SPAG16: variants seen among roughly 807,000 people sequenced by gnomAD.
The protein encoded by SPAG16 is sperm associated antigen 16.
Under a neutral mutation model 80.4 loss-of-function variants are expected in SPAG16, and 86 were observed. The ratio of observed to expected loss-of-function variants is 1.07; its 90% CI spans 0.90 to 1.28. The LOEUF (loss-of-function observed/expected upper bound fraction) is 1.28. SPAG16 is among the 50% of genes most tolerant of loss of function. The pLI is 0.00. For missense variants in SPAG16, 870 were observed against 765.3 expected (o/e 1.14, Z -1.61); for synonymous variants, 294 against 265.9 (o/e 1.11, Z -1.03).
chr2:213,470,823 A>G (rs1242821085), intron 9 of SPAG16, among the ~76,000 whole-genome samples: 1 of 152,202 alleles, frequency 6.6e-6, no homozygotes, highest in Non-Finnish European at 1.5e-5. Context: ...ATAGGTGAGC[A>G]CTCACATGGG....
At chr2:213,599,298 C>A (rs202114829) in intron 10 of SPAG16, among the ~76,000 whole-genome samples, 2 of 152,180 alleles carry the variant, frequency 1.3e-5, no homozygotes, top group African/African-American at 4.8e-5. Context: ...AAATTACTTA[C>A]AATTCCAAAC....
At chr2:213,721,560 T>C (rs2066536713) in intron 10 of SPAG16, among the ~76,000 whole-genome samples, 1 of 152,238 alleles carries the variant, frequency 6.6e-6, no homozygotes, top group Admixed American at 6.5e-5. Flanking sequence ...TTAAGATACT[T>C]AATCATATGA....
chr2:213,748,287 C>T (rs1008047425), intron 10 of SPAG16, among the ~76,000 whole-genome samples: 3 of 151,932 alleles, frequency 2.0e-5, no homozygotes, highest in Non-Finnish European at 4.4e-5. Flanking sequence ...GTGCATGTTT[C>T]AGAAGCACTT....
chr2:213,763,689 A>G (rs1044611476), intron 10 of SPAG16, among the ~76,000 whole-genome samples: 2 of 152,224 alleles, frequency 1.3e-5, no homozygotes, highest in African/African-American at 2.4e-5. Flanking sequence ...AAAGGAAAAG[A>G]AAAATGAACT....
intron 15 of SPAG16, among the ~76,000 whole-genome samples, chr2:214,314,238 TTAACA>T (rs1202292680): frequency 6.6e-6 from 1 of 152,196 alleles, no homozygotes; most frequent in African/African-American, 2.4e-5. Flanking sequence ...TTTCACATAC[TTAACA>T]TATTTTTTCA....
chr2:213,511,716 A>G (rs1236345050), intron 10 of SPAG16, among the ~76,000 whole-genome samples: 1 of 152,024 alleles, frequency 6.6e-6, no homozygotes, highest in African/African-American at 2.4e-5. Flanking sequence ...TATCAAACTT[A>G]TTCTAGTGAG....
intron 13 of SPAG16, among the ~76,000 whole-genome samples, chr2:214,098,310 G>A (rs1025619498): frequency 3.9e-5 from 6 of 152,022 alleles, no homozygotes; most frequent in Admixed American, 1.3e-4. Flanking sequence ...GGGTTGAATT[G>A]TGTCCCCTTA....
At chr2:214,227,208 T>C (rs1326607280) in intron 15 of SPAG16, among the ~76,000 whole-genome samples, 1 of 152,078 alleles carries the variant, frequency 6.6e-6, no homozygotes, top group Non-Finnish European at 1.5e-5. Context: ...ATAATAGTGA[T>C]TATGGAAATT....
chr2:213,534,392 A>G (rs1273624911), intron 10 of SPAG16, among the ~76,000 whole-genome samples: 1 of 152,106 alleles, frequency 6.6e-6, no homozygotes, highest in East Asian at 1.9e-4. Context: ...ATAAGTATAT[A>G]CCCCAATAAT....
chr2:213,501,966 T>C (rs540571955), intron 10 of SPAG16, among the ~76,000 whole-genome samples: 2 of 152,376 alleles, frequency 1.3e-5, no homozygotes, highest in African/African-American at 4.8e-5. Flanking sequence ...AATCAAATGA[T>C]GTCTTAGGCT....
At chr2:213,682,398 T>C (rs1292831888) in intron 10 of SPAG16, among the ~76,000 whole-genome samples, 1 of 152,190 alleles carries the variant, frequency 6.6e-6, no homozygotes, top group Non-Finnish European at 1.5e-5. Context: ...TCTTTATACT[T>C]TGAAAGCATT....
At chr2:213,500,693 T>A (rs1437405847) in intron 10 of SPAG16, among the ~76,000 whole-genome samples, 1 of 152,182 alleles carries the variant, frequency 6.6e-6, no homozygotes, top group Non-Finnish European at 1.5e-5. Flanking sequence ...CCAATGTTAT[T>A]TTAGGCCTTA....
chr2:214,013,957 A>T lies in SPAG16; in HGVS notation c.1407A>T (p.Arg469Ser). Reference sequence around the variant, plus strand: ...TTAATTTCTCTCTTTATAGTGAAAGATGCAGATGTACTTTGTATGGACATA... The same window carrying T: ...TTAATTTCTCTCTTTATAGTGAAAGTTGCAGATGTACTTTGTATGGACATA... Reference protein sequence around the residue: ...TSKIWDVNSERCRCTLYGHTD... With the variant: ...TSKIWDVNSESCRCTLYGHTD... The change falls in exon 13 of 16, where the codon AGA (arginine) becomes AGT (serine). Residue 469 changes from arginine to serine, a missense_variant. Physicochemically the swap from Arg to Ser is moderately radical, Grantham distance 110. Transcript: ENST00000331683. The T allele has an allele frequency of 1.9e-6, 3 of 1,613,178 alleles. No individual in the cohort carries two copies. Among genetic ancestry groups the T allele is most frequent in the African/African-American group, 1.3e-5 (1 of 75,026 alleles).
At chr2:213,411,045 CAGTT>C (rs977046474) in intron 9 of SPAG16, among the ~76,000 whole-genome samples, 13 of 152,344 alleles carry the variant, frequency 8.5e-5, no homozygotes, top group Non-Finnish European at 8.8e-5. Flanking sequence ...GCTTATCAAT[CAGTT>C]AGCCCTTGTT....
At chr2:214,072,085 T>C (rs1172065721) in intron 13 of SPAG16, among the ~76,000 whole-genome samples, 6 of 152,228 alleles carry the variant, frequency 3.9e-5, no homozygotes, top group Admixed American at 3.9e-4. Flanking sequence ...GGTGCTTTTT[T>C]TCTTGCTGCA....
At chr2:213,388,501 C>T (rs1198443734) in intron 9 of SPAG16, among the ~76,000 whole-genome samples, 3 of 152,114 alleles carry the variant, frequency 2.0e-5, no homozygotes, top group African/African-American at 7.2e-5. Flanking sequence ...TAGGTGGAGG[C>T]TCAGAAAAGT....
intron 10 of SPAG16, among the ~76,000 whole-genome samples, chr2:213,855,037 C>T (rs192022097): frequency 7.9e-5 from 12 of 152,284 alleles, no homozygotes; most frequent in Admixed American, 2.6e-4. Flanking sequence ...TTTCAGAAAA[C>T]GTTTGCCAAC....
intron 10 of SPAG16, among the ~76,000 whole-genome samples, chr2:213,564,346 T>C (rs1391741736): frequency 1.3e-5 from 2 of 151,820 alleles, no homozygotes; most frequent in African/African-American, 4.8e-5. Flanking sequence ...AATATAAAAA[T>C]AAGCCAGGTG....
chr2:214,034,991 G>C (rs2048613089), intron 13 of SPAG16, among the ~76,000 whole-genome samples: 1 of 152,194 alleles, frequency 6.6e-6, no homozygotes, highest in Admixed American at 6.5e-5. Context: ...TATTTTTCAA[G>C]TGGATGGTGA....
Sources: gnomAD v4.1 joint callset for allele counts (sites outside exome capture counted in the v4.1 genomes callset) on GRCh38, gnomAD v4.1.1 for gene constraint, MANE v1.5 for transcripts, NCBI Gene and HGNC (gene_info 2026-07-23, HGNC 2026-07-21) for gene names.